Variants in PRKAR2A observed in about 807,000 individuals in gnomAD.
PRKAR2A encodes the protein cAMP-dependent protein kinase type II-alpha regulatory subunit.
A neutral mutation model predicts 51.9 loss-of-function variants in PRKAR2A; 29 were observed. The ratio of observed to expected loss-of-function variants is 0.56; its 90% CI spans 0.42 to 0.76. PRKAR2A has a LOEUF of 0.76. Among genes scored for constraint, PRKAR2A ranks in the 30% least tolerant of loss-of-function variants. The pLI, the probability that PRKAR2A is intolerant of heterozygous loss-of-function variation, is 0.00. For missense variants in PRKAR2A, 445 were observed against 512.1 expected (o/e 0.87, Z 1.26); for synonymous variants, 178 against 186.2 (o/e 0.96, Z 0.36).
chr3:48,752,431 A>C, intron 9 of PRKAR2A, 114 bp from the exon 10 acceptor site: 3 of 1,168,354 alleles, frequency 2.6e-6, no homozygotes, highest in Non-Finnish European at 3.6e-6. Context: ...TGAGGAATTC[A>C]CTTTGCAGAA....
intron 5 of PRKAR2A, among the ~76,000 whole-genome samples, chr3:48,782,304 C>G (rs2082211934): frequency 6.6e-6 from 1 of 152,190 alleles, no homozygotes; most frequent in Non-Finnish European, 1.5e-5. Flanking sequence ...TGAGTAAAAT[C>G]AGGCTCAAAT....
At chr3:48,773,454 C>T (rs987359690) in intron 5 of PRKAR2A, among the ~76,000 whole-genome samples, 1 of 149,914 alleles carries the variant, frequency 6.7e-6, no homozygotes, top group African/African-American at 2.5e-5. Flanking sequence ...CGCCATTCTC[C>T]TGCCTCAGCC....
At chr3:48,835,931 A>T (rs2083276595) in intron 1 of PRKAR2A, among the ~76,000 whole-genome samples, 2 of 152,292 alleles carry the variant, frequency 1.3e-5, no homozygotes, top group South Asian at 4.1e-4. Flanking sequence ...GTGGTCAGAC[A>T]TATAAATCAA....
chr3:48,847,431 G>T lies in PRKAR2A; in HGVS notation c.166C>A (p.Arg56Ser). ...PASVLPAATP[R>S]QSLGHPPPEP... ...GGCGGGGGGTGGCCCAGGCTCTGGC[G>T]TGGGGTGGCGGCGGGCAGGACTGAG... Residue 56 changes from arginine to serine, a missense_variant, in exon 1 of 11, where the codon CGC (arginine) becomes AGC (serine). Transcript: ENST00000265563. The surrounding 1 kb of genome is among the most constrained non-coding windows in gnomAD (Gnocchi z 4.4). 6.3e-7 allele frequency: 1 copy of T among 1,587,212 alleles called. No individual in the cohort carries two copies. Among genetic ancestry groups the T allele is most frequent in the Non-Finnish European group, 8.6e-7 (1 of 1,166,794 alleles).
rs893969540 is a variant in PRKAR2A at position 48,793,885 on chromosome 3, T to C, written c.351+112A>G. On this transcript the variant is annotated intron_variant, in intron 3 of 10. Transcript: ENST00000265563. Reference sequence around the variant, plus strand: ...TGTTAGATTAAAAATGTCACTTCAGTGATATTTTAATTTGTATTTAATTAT... The same window carrying C: ...TGTTAGATTAAAAATGTCACTTCAGCGATATTTTAATTTGTATTTAATTAT... 6.7e-6 allele frequency: 6 copies of C among 896,722 alleles called. No homozygotes were observed. The Admixed American group carries it at 9.6e-5, about 14-fold the overall frequency. 55.5% of individuals were successfully genotyped at this position (896,722 alleles called of 1,614,324 possible). A position where few individuals can be genotyped will look rare whatever the true frequency, so the allele number is the denominator to read the frequency against.
intron 1 of PRKAR2A, among the ~76,000 whole-genome samples, chr3:48,820,051 G>A (rs1165927341): frequency 6.6e-6 from 1 of 152,188 alleles, no homozygotes; most frequent in Non-Finnish European, 1.5e-5. Flanking sequence ...TAACTTGCTT[G>A]GAACAAGCAT....
chr3:48,830,893 G>A (rs898233620), intron 1 of PRKAR2A, among the ~76,000 whole-genome samples: 2 of 152,040 alleles, frequency 1.3e-5, no homozygotes, highest in Admixed American at 6.6e-5. Flanking sequence ...TGTTCACAAC[G>A]GTTCACGTTC....
intron 4 of PRKAR2A, among the ~76,000 whole-genome samples, chr3:48,786,890 A>G (rs2082302003): frequency 6.6e-6 from 1 of 152,104 alleles, no homozygotes; most frequent in South Asian, 2.1e-4. Flanking sequence ...ATGCTTTCAG[A>G]GGGACACAAT....
chr3:48,840,819 G>A (rs1255442936), intron 1 of PRKAR2A, among the ~76,000 whole-genome samples: 4 of 147,486 alleles, frequency 2.7e-5, no homozygotes, highest in Non-Finnish European at 4.5e-5. Flanking sequence ...CTCGTGATCC[G>A]CCCACCTCGG....
chr3:48,793,391 T>C (rs1223483959), intron 3 of PRKAR2A, among the ~76,000 whole-genome samples: 1 of 152,172 alleles, frequency 6.6e-6, no homozygotes, highest in Admixed American at 6.6e-5. Flanking sequence ...TTTAGGTAAA[T>C]GCTAAATCAG....
rs2082183298 is a variant in PRKAR2A at position 48,780,817 on chromosome 3, A to G, written c.542+2169T>C. Among the ~76,000 whole-genome samples, 3 of 152,088 alleles carry G rather than the reference A, an allele frequency of 2.0e-5. No individual in the cohort carries two copies. The South Asian group carries it at 6.2e-4, about 32-fold the overall frequency. ...GAGGAGAATAATTAGAAAAATTTGAATAAGGTGCATACATTAGATGTAGTA... is the reference window on the plus strand; with the variant it reads ...GAGGAGAATAATTAGAAAAATTTGAGTAAGGTGCATACATTAGATGTAGTA... On this transcript the variant is annotated intron_variant, in intron 5 of 10. Coordinates refer to ENST00000265563, the MANE Select transcript of PRKAR2A (RefSeq NM_004157.4).
chr3:48,821,889 T>C (rs2082969350), intron 1 of PRKAR2A, among the ~76,000 whole-genome samples: 1 of 142,696 alleles, frequency 7.0e-6, no homozygotes, highest in African/African-American at 2.6e-5. Context: ...CACTCCAGCC[T>C]GGGCGACAGA....
chr3:48,751,486 C>G lies in PRKAR2A; in HGVS notation c.*99G>C, dbSNP rs556357751. On this transcript the variant is annotated 3_prime_UTR_variant, in exon 11 of 11. Coordinates refer to ENST00000265563, the MANE Select transcript of PRKAR2A (RefSeq NM_004157.4). ...ACAGCAATGGCAGCAGTGGCGGCAA[C>G]GGCAGGAACAGTTCTGTCATGTCTG... 1 of 1,529,116 alleles carries G rather than the reference C, an allele frequency of 6.5e-7. No homozygotes were observed. 94.7% of individuals were successfully genotyped at this position (1,529,116 alleles called of 1,614,324 possible). A position where few individuals can be genotyped will look rare whatever the true frequency, so the allele number is the denominator to read the frequency against.
chr3:48,790,764 T>C (rs1014061970), intron 3 of PRKAR2A, 137 bp from the exon 4 acceptor site: 6 of 536,722 alleles, frequency 1.1e-5, no homozygotes, highest in South Asian at 5.1e-5. Flanking sequence ...TACATAAATA[T>C]CAAGCTGCAT....
intron 2 of PRKAR2A, among the ~76,000 whole-genome samples, chr3:48,801,973 G>C (rs1294111524): frequency 6.6e-6 from 1 of 151,930 alleles, no homozygotes; most frequent in Non-Finnish European, 1.5e-5. Context: ...GCAACAGTAC[G>C]ATCTCGGTTC....
intron 2 of PRKAR2A, among the ~76,000 whole-genome samples, chr3:48,806,664 AC>A (rs1459981351): frequency 6.6e-6 from 1 of 152,198 alleles, no homozygotes; most frequent in Non-Finnish European, 1.5e-5. Flanking sequence ...TAGAAAGTTT[AC>A]CCAAACTTAT....
At chr3:48,796,217 A>G (rs2082489102) in intron 2 of PRKAR2A, among the ~76,000 whole-genome samples, 1 of 152,164 alleles carries the variant, frequency 6.6e-6, no homozygotes, top group South Asian at 2.1e-4. Context: ...TTTATTGCCT[A>G]TGTCCACCCT....
intron 1 of PRKAR2A, among the ~76,000 whole-genome samples, chr3:48,816,825 C>T (rs1170276636): frequency 6.6e-6 from 1 of 152,126 alleles, no homozygotes; most frequent in African/African-American, 2.4e-5. Context: ...GAGAGCTCCA[C>T]TGTAAACCCA....
At chr3:48,822,390 T>C (rs2082981896) in intron 1 of PRKAR2A, among the ~76,000 whole-genome samples, 1 of 152,068 alleles carries the variant, frequency 6.6e-6, no homozygotes, top group Admixed American at 6.6e-5. Flanking sequence ...CACAGAACCA[T>C]TTCAAATTGA....
Sources: gnomAD v4.1 joint callset for allele counts (sites outside exome capture counted in the v4.1 genomes callset) on GRCh38, gnomAD v4.1.1 for gene constraint, Gnocchi (gnomAD v3.1) non-coding constraint, MANE v1.5 for transcripts, NCBI Gene and HGNC (gene_info 2026-07-23, HGNC 2026-07-21) for gene names.